The following FOXO1 variants were observed in gnomAD, a reference collection of about 807,000 sequenced individuals.
FOXO1 encodes forkhead box O1.
A neutral mutation model predicts 44.1 loss-of-function variants in FOXO1; 6 were observed. The ratio of observed to expected loss-of-function variants is 0.14; its 90% CI spans 0.07 to 0.27. The LOEUF is 0.27. Ranked by LOEUF, FOXO1 falls within the 10% of genes least tolerant of loss-of-function variation. The pLI is 1.00. For missense variants in FOXO1, 737 were observed against 888.8 expected, an observed-to-expected ratio of 0.83 and a Z score of 2.17; for synonymous variants, 380 against 362.7, an observed-to-expected ratio of 1.05 and a Z score of -0.54.
chr13:40,629,802 C>T (rs2137911526), intron 1 of FOXO1, among the ~76,000 whole-genome samples: 1 of 152,260 alleles, frequency 6.6e-6, no homozygotes, highest in South Asian at 2.1e-4. Flanking sequence ...TCGGCTAAAA[C>T]CTGGGAGGAG....
intron 1 of FOXO1, among the ~76,000 whole-genome samples, chr13:40,663,372 G>A (rs1878096783): frequency 1.3e-5 from 2 of 152,166 alleles, no homozygotes; most frequent in Non-Finnish European, 2.9e-5. Flanking sequence ...CTCTGACAAT[G>A]CCATTTGAGA....
At chr13:40,563,336 C>T (rs913283604) in intron 1 of FOXO1, among the ~76,000 whole-genome samples, 2 of 152,212 alleles carry the variant, frequency 1.3e-5, no homozygotes, top group African/African-American at 4.8e-5. Context: ...GGAGGGGTCT[C>T]ACTTTCTAAA....
chr13:40,596,365 G>A (rs991714275), intron 1 of FOXO1, among the ~76,000 whole-genome samples: 2 of 152,198 alleles, frequency 1.3e-5, no homozygotes, highest in African/African-American at 4.8e-5. Flanking sequence ...GCAGTTTCAT[G>A]TGCCTTGGTG....
intron 1 of FOXO1, among the ~76,000 whole-genome samples, chr13:40,639,209 AAAC>A (rs920376117): frequency 4.6e-5 from 7 of 152,154 alleles, no homozygotes; most frequent in Non-Finnish European, 1.0e-4. Flanking sequence ...TTAAAAAAAA[AAAC>A]AACAACAGTT....
At chr13:40,619,723 G>A (rs1876545731) in intron 1 of FOXO1, 1 of 1,025,758 alleles carries the variant, frequency 9.7e-7, no homozygotes, top group Non-Finnish European at 1.5e-6. Context: ...TTCAGCTGAA[G>A]GATCTTTCTC....
chr13:40,610,092 T>C (rs1300465912), intron 1 of FOXO1, among the ~76,000 whole-genome samples: 1 of 152,150 alleles, frequency 6.6e-6, no homozygotes, highest in Non-Finnish European at 1.5e-5. Flanking sequence ...TCACATGTAA[T>C]TTAATATTAT....
intron 1 of FOXO1, among the ~76,000 whole-genome samples, chr13:40,657,014 T>C (rs1172371685): frequency 2.6e-5 from 4 of 152,044 alleles, no homozygotes; most frequent in African/African-American, 7.2e-5. Flanking sequence ...TCTGTCTTTT[T>C]AGTAGAGACG....
intron 1 of FOXO1, among the ~76,000 whole-genome samples, chr13:40,591,241 G>C (rs1406855747): frequency 6.6e-6 from 1 of 152,148 alleles, no homozygotes; most frequent in Non-Finnish European, 1.5e-5. Flanking sequence ...CTTGAAAGGG[G>C]GCAAGCTGTA....
At chr13:40,573,273 T>G (rs937523932) in intron 1 of FOXO1, among the ~76,000 whole-genome samples, 2 of 152,134 alleles carry the variant, frequency 1.3e-5, no homozygotes, top group African/African-American at 4.8e-5. Context: ...TGGGCACATC[T>G]GTGTCAGAGG....
Position 40,654,306 on chromosome 13 carries a change from T to C in FOXO1, c.630+11277A>G, listed in dbSNP as rs554519681. On this transcript the variant is annotated intron_variant, in intron 1 of 2. Transcript: ENST00000379561. ...GCCTAGCCAAGACAGTGAAACCTCA[T>C]CTCTACTAAAAATACTAAAAAAAAA... 2.4e-3 allele frequency among the ~76,000 whole-genome samples: 262 copies of C among 110,610 alleles called. 1 individual carries two copies. The highest frequency in any genetic ancestry group is 3.6e-3 in the Non-Finnish European group (208 of 58,288). 72.6% of individuals were successfully genotyped at this position (110,610 alleles called of 152,430 possible).
intron 1 of FOXO1, among the ~76,000 whole-genome samples, chr13:40,610,242 T>TC (rs1268142517): frequency 2.0e-5 from 3 of 152,114 alleles, no homozygotes; most frequent in Non-Finnish European, 4.4e-5. Context: ...GGAGAGGAGA[T>TC]AACAACCTAT....
chr13:40,600,304 C>T (rs545482324), intron 1 of FOXO1, among the ~76,000 whole-genome samples: 41 of 152,306 alleles, frequency 2.7e-4, no homozygotes, highest in African/African-American at 9.4e-4. Flanking sequence ...TTAAATCGGC[C>T]TCCAGAAACC....
At chr13:40,574,662 C>CATGTA (rs1874674504) in intron 1 of FOXO1, among the ~76,000 whole-genome samples, 1 of 152,164 alleles carries the variant, frequency 6.6e-6, no homozygotes, top group African/African-American at 2.4e-5. Context: ...TCTGAACCAA[C>CATGTA]ATGTAGTCTC....
In FOXO1 at chr13:40,560,875, A is replaced by G. The variant is rs373396466; in HGVS notation, c.631-15T>C. 88 of 1,582,668 alleles carry G rather than the reference A, an allele frequency of 5.6e-5. No homozygotes were observed. Among genetic ancestry groups the G allele is most frequent in the Admixed American group, 1.8e-4 (10 of 54,692 alleles). On this transcript the variant is annotated splice_polypyrimidine_tract_variant and intron_variant, in intron 1 of 2. Transcript: ENST00000379561. This position sits in a 1 kb window ranked among gnomAD's most constrained non-coding sequence, Gnocchi z 5.1. ...CGAATTGAATTCTGTAAGGCAAAAC[A>G]TCTTATTAGAAGTACAATACTTCTC...
chr13:40,567,665 C>A (rs1874320572), intron 1 of FOXO1, among the ~76,000 whole-genome samples: 1 of 152,108 alleles, frequency 6.6e-6, no homozygotes, highest in Non-Finnish European at 1.5e-5. Flanking sequence ...TCTGCCTTAA[C>A]AGGTGATAAA....
intron 1 of FOXO1, among the ~76,000 whole-genome samples, chr13:40,589,786 T>G (rs1048876719): frequency 6.6e-6 from 1 of 152,182 alleles, no homozygotes; most frequent in Non-Finnish European, 1.5e-5. Flanking sequence ...AGGAGTCCCA[T>G]TGTTTCAGTG....
chr13:40,572,685 T>C (rs1874582531), intron 1 of FOXO1, among the ~76,000 whole-genome samples: 1 of 152,204 alleles, frequency 6.6e-6, no homozygotes, highest in African/African-American at 2.4e-5. Flanking sequence ...GACCCAATAA[T>C]AGCAAAACTA....
Position 40,640,101 on chromosome 13 carries a change from AAAAC to A in FOXO1, c.630+25478_630+25481del, listed in dbSNP as rs1468348237. Among the ~76,000 whole-genome samples, 4 of 152,374 alleles carry A rather than the reference AAAAC, an allele frequency of 2.6e-5. No homozygotes were observed. In the East Asian group the frequency reaches 5.8e-4, roughly 22 times the overall value. On this transcript the variant is annotated intron_variant, in intron 1 of 2. Transcript: ENST00000379561. ...GGGCCATAGATTCCACTCCTTGAAT[AAAAC>A]AAACATTAAAAACTCTAGATAATCC... is the stretch of plus-strand genomic sequence containing the variant.
chr13:40,607,731 C>T (rs1052453039), intron 1 of FOXO1, among the ~76,000 whole-genome samples: 2 of 152,256 alleles, frequency 1.3e-5, no homozygotes, highest in African/African-American at 4.8e-5. Flanking sequence ...TACACCAACA[C>T]AAAGGTGAGA....
Sources: gnomAD v4.1 joint callset for allele counts (sites outside exome capture counted in the v4.1 genomes callset) on GRCh38, gnomAD v4.1.1 for gene constraint, Gnocchi (gnomAD v3.1) non-coding constraint, MANE v1.5 for transcripts, NCBI Gene and HGNC (gene_info 2026-07-23, HGNC 2026-07-21) for gene names.